The following PTPN12 variants were observed in gnomAD, a reference collection of about 807,000 sequenced individuals.
PTPN12 encodes the protein tyrosine-protein phosphatase non-receptor type 12.
In PTPN12, 29 loss-of-function variants were observed where a neutral mutation model predicts 97.6. The observed-to-expected ratio is 0.30, with a 90% confidence interval of 0.22 to 0.41. The LOEUF (loss-of-function observed/expected upper bound fraction) is 0.41, where lower values mean the gene tolerates loss of function less well. PTPN12 is among the 10% of genes least tolerant of loss of function. The pLI, the probability that PTPN12 is intolerant of heterozygous loss-of-function variation, is 1.00. For synonymous variants in PTPN12, 327 were observed against 300.4 expected, an observed-to-expected ratio of 1.09 and a Z score of -0.91; for missense variants, 819 against 926.0, an observed-to-expected ratio of 0.88 and a Z score of 1.50.
chr7:77,539,733 A>G (rs1806859935), intron 1 of PTPN12, among the ~76,000 whole-genome samples: 5 of 152,064 alleles, frequency 3.3e-5, no homozygotes. Context: ...GATTCAAGCG[A>G]TGCTCCTGCC....
chr7:77,567,084 T>C (rs1251041736), intron 1 of PTPN12, among the ~76,000 whole-genome samples: 1 of 151,914 alleles, frequency 6.6e-6, no homozygotes, highest in African/African-American at 2.4e-5. Flanking sequence ...AGAATAGTGG[T>C]CGGGAAGTTA....
intron 1 of PTPN12, among the ~76,000 whole-genome samples, chr7:77,565,931 C>G (rs1808237150): frequency 6.6e-6 from 1 of 152,212 alleles, no homozygotes; most frequent in Non-Finnish European, 1.5e-5. Flanking sequence ...AGTCTAATCT[C>G]TGCCTTCAGT....
chr7:77,639,417 C>A lies in PTPN12; in HGVS notation c.*137C>A. 1.5e-6 allele frequency: 1 copy of A among 647,812 alleles called. No homozygotes were observed. 40.1% of individuals were successfully genotyped at this position (647,812 alleles called of 1,614,324 possible). ...TTACCTTAATATTTTTTGCTGGGAC[C>A]ATCTACCTGCCTTATACTACACTTA... On this transcript the variant is annotated 3_prime_UTR_variant, in exon 18 of 18. Transcript: ENST00000248594.
chr7:77,579,471 T>C (rs1787444297), intron 2 of PTPN12, among the ~76,000 whole-genome samples: 1 of 152,178 alleles, frequency 6.6e-6, no homozygotes, highest in African/African-American at 2.4e-5. Flanking sequence ...GAAAAAAGAT[T>C]AGAAAACACT....
intron 1 of PTPN12, among the ~76,000 whole-genome samples, chr7:77,548,244 C>T (rs1372919649): frequency 6.6e-6 from 1 of 152,146 alleles, no homozygotes; most frequent in Non-Finnish European, 1.5e-5. Context: ...AGGACTAAGG[C>T]AGCTTATTTA....
intron 11 of PTPN12, among the ~76,000 whole-genome samples, chr7:77,614,035 GCA>G (rs1014122035): frequency 6.6e-6 from 1 of 151,704 alleles, no homozygotes; most frequent in Non-Finnish European, 1.5e-5. Context: ...GAGACTATAG[GCA>G]CATATACCAC....
intron 12 of PTPN12, among the ~76,000 whole-genome samples, chr7:77,618,939 A>G (rs2151384734): frequency 6.6e-6 from 1 of 152,356 alleles, no homozygotes; most frequent in Middle Eastern, 3.4e-3. Context: ...TAACGTTACT[A>G]GCAAAGATGA....
chr7:77,567,271 G>GT (rs957271679), intron 1 of PTPN12, among the ~76,000 whole-genome samples: 2 of 150,434 alleles, frequency 1.3e-5, no homozygotes, highest in African/African-American at 4.9e-5. Context: ...AGAGTTTATT[G>GT]TTTAACAGGG....
intron 8 of PTPN12, among the ~76,000 whole-genome samples, chr7:77,604,044 C>A (rs1172063233): frequency 6.7e-6 from 1 of 149,332 alleles, no homozygotes; most frequent in South Asian, 2.1e-4. Context: ...CACACCACTA[C>A]ACCCAGCTAA....
intron 2 of PTPN12, among the ~76,000 whole-genome samples, chr7:77,580,695 T>A (rs894676572): frequency 3.9e-5 from 6 of 152,216 alleles, no homozygotes; most frequent in African/African-American, 1.4e-4. Context: ...AAGATTTTTT[T>A]ACTCTATTAC....
At chr7:77,545,446 A>G (rs968643987) in intron 1 of PTPN12, among the ~76,000 whole-genome samples, 42 of 152,118 alleles carry the variant, frequency 2.8e-4, no homozygotes, top group African/African-American at 9.4e-4. Flanking sequence ...TTTGATGACC[A>G]TTACAATTAT....
At chr7:77,569,978 C>T (rs1301098905) in intron 1 of PTPN12, among the ~76,000 whole-genome samples, 1 of 152,102 alleles carries the variant, frequency 6.6e-6, no homozygotes, top group Non-Finnish European at 1.5e-5. Flanking sequence ...GCTCGGCCCC[C>T]ACTTGCTTTT....
chr7:77,550,462 G>A (rs944487963), intron 1 of PTPN12, among the ~76,000 whole-genome samples: 1 of 152,168 alleles, frequency 6.6e-6, no homozygotes, highest in Admixed American at 6.5e-5. Flanking sequence ...TATAAGTGAT[G>A]ATACACCAAC....
intron 13 of PTPN12, among the ~76,000 whole-genome samples, chr7:77,628,560 A>AT (rs34494082): frequency 0.25 from 36,400 of 143,700 alleles, 5,272 homozygotes; most frequent in East Asian, 0.66. Flanking sequence ...ACCTTGAAAG[A>AT]TTTTTTTTTT....
chr7:77,636,462 G>T (rs1229141349), intron 15 of PTPN12, among the ~76,000 whole-genome samples: 1 of 151,910 alleles, frequency 6.6e-6, no homozygotes, highest in South Asian at 2.1e-4. Context: ...CATGTCTATG[G>T]TCCCAGCTTT....
At chr7:77,557,086 C>G (rs546392781) in intron 1 of PTPN12, among the ~76,000 whole-genome samples, 1 of 152,082 alleles carries the variant, frequency 6.6e-6, no homozygotes, top group Non-Finnish European at 1.5e-5. Context: ...CCCACCTCAG[C>G]CTCCCTAGTA....
Position 77,627,578 on chromosome 7 carries a change from T to G in PTPN12, c.1899T>G (p.Ala633=). The G allele has an allele frequency of 6.2e-7, 1 of 1,613,982 alleles. No individual in the cohort carries two copies. The highest frequency in any genetic ancestry group is 1.3e-5 in the African/African-American group (1 of 75,066). ...CAACAGCAAGTGCCACAGTTTCTGC[T>G]GCCACTAGTACTGAAAGCATTTCTA... is the stretch of plus-strand genomic sequence containing the variant. The part of the protein sequence containing the change: ...NISTASATVS[A]ATSTESISTR... The change falls in exon 13 of 18, where the codon GCT becomes GCG. Residue 633 remains alanine (A), a synonymous_variant. Transcript: ENST00000248594.
chr7:77,542,812 G>T (rs908587046), intron 1 of PTPN12, among the ~76,000 whole-genome samples: 1 of 152,126 alleles, frequency 6.6e-6, no homozygotes. Flanking sequence ...AAACTGCGGT[G>T]CCTCTGAGAC....
rs577934403 is a variant in PTPN12 at position 77,624,918 on chromosome 7, T to A, written c.1026-1787T>A. ...CGGGGGCCGAGGCAGGCAAATCACT[T>A]GAGGCCAGGAGTTGGAGACCAGCCT... is the stretch of plus-strand genomic sequence containing the variant. On this transcript the variant is annotated intron_variant, in intron 12 of 17. Coordinates refer to ENST00000248594, the MANE Select transcript of PTPN12 (RefSeq NM_002835.4). Among the ~76,000 whole-genome samples, 60 of 151,754 alleles carry A rather than the reference T, an allele frequency of 4.0e-4. No homozygotes were observed. In the Middle Eastern group the frequency reaches 0.01, roughly 26 times the overall value.
Sources: gnomAD v4.1 joint callset for allele counts (sites outside exome capture counted in the v4.1 genomes callset) on GRCh38, gnomAD v4.1.1 for gene constraint, MANE v1.5 for transcripts, NCBI Gene and HGNC (gene_info 2026-07-23, HGNC 2026-07-21) for gene names.